CCDC187: variants seen among roughly 807,000 people sequenced by gnomAD.
CCDC187 encodes the protein coiled-coil domain-containing protein 187.
In CCDC187, 32 loss-of-function variants were observed where a neutral mutation model predicts 38.0. The ratio of observed to expected loss-of-function variants is 0.84; its 90% CI spans 0.64 to 1.13. The LOEUF is 1.13. Ranked by LOEUF, CCDC187 falls within the 50% of genes most tolerant of loss-of-function variation. The probability of loss-of-function intolerance (pLI) is 0.00; values close to 1 mark genes in which losing one functional copy is unlikely to be tolerated. For synonymous variants in CCDC187, 333 were observed against 347.9 expected (o/e 0.96, Z 0.48); for missense variants, 707 against 786.8 (o/e 0.90, Z 1.21).
At chr9:136,302,312 G>C (rs1831705209) in intron 2 of CCDC187, among the ~76,000 whole-genome samples, 1 of 152,104 alleles carries the variant, frequency 6.6e-6, no homozygotes, top group African/African-American at 2.4e-5. Flanking sequence ...CTCCAAGAGG[G>C]AAGCCGTTTC....
chr9:136,259,900 C>T (rs1424551199), intron 20 of CCDC187, among the ~76,000 whole-genome samples: 2 of 152,236 alleles, frequency 1.3e-5, no homozygotes, highest in Admixed American at 6.5e-5. Flanking sequence ...ATGCTGGCTG[C>T]CAGTGCACGG....
At chr9:136,262,135 C>T (rs1212433482) in intron 19 of CCDC187, among the ~76,000 whole-genome samples, 176 bp downstream of exon 19, 1 of 152,272 alleles carries the variant, frequency 6.6e-6, no homozygotes, top group African/African-American at 2.4e-5. Context: ...GGTTGAGCTG[C>T]CACCGGCCGG....
intron 9 of CCDC187, 89 bp downstream of exon 9, chr9:136,285,424 C>CGGGCAGGTGGGCAGGT (rs1391343577): frequency 2.6e-4 from 107 of 407,338 alleles, no homozygotes; most frequent in African/African-American, 1.9e-3. Context: ...TGAGCGTGGG[C>CGGGCAGGTGGGCAGGT]GGGCAGGTGG....
At chr9:136,259,918 C>T (rs1263598310) in intron 20 of CCDC187, among the ~76,000 whole-genome samples, 3 of 152,334 alleles carry the variant, frequency 2.0e-5, no homozygotes, top group Non-Finnish European at 2.9e-5. Flanking sequence ...CGGGGTGGCC[C>T]GCCTGCTGGC....
At position 136,250,304 on chromosome 9, in the gene CCDC187, C is replaced by T. The variant is rs78296440; in HGVS notation, c.*3290G>A. The stretch of plus-strand genomic sequence containing the variant: ...AGGGCACCCTACCACCTGCCAGCGA[C>T]GCGAGGCACCTGCTGGGCTCCCAGG... On this transcript the variant is annotated 3_prime_UTR_variant, in exon 26 of 26. Coordinates refer to ENST00000638797, the MANE Select transcript of CCDC187 (RefSeq NM_001378188.1). 7.2e-3 allele frequency: 1,257 copies of T among 173,404 alleles called. 23 individuals are homozygous for T. Among genetic ancestry groups the T allele is most frequent in the African/African-American group, 0.028 (1,171 of 41,756 alleles). The allele number at this position is 173,404 out of a possible 1,614,324, so 10.7% of individuals were successfully genotyped here.
rs1459810120 is a variant in CCDC187 at position 136,254,278 on chromosome 9, G to A, written c.5550C>T (p.Ser1850=). The A allele has an allele frequency of 1.9e-5, 19 of 980,236 alleles. No individual in the cohort carries two copies. The highest frequency in any genetic ancestry group is 2.3e-5 in the Non-Finnish European group (19 of 825,372). The allele number at this position is 980,236 out of a possible 1,614,324, so 60.7% of individuals were successfully genotyped here. ...TGTCTGACACCCCCATCAGGCTCTCGCTGGTCCCAGAAGCTTCCAGCCCCT... is the reference window on the plus strand; with the variant it reads ...TGTCTGACACCCCCATCAGGCTCTCACTGGTCCCAGAAGCTTCCAGCCCCT... ...PGEGLEASGT[S]ESLMGVSDTG... is the part of the protein sequence containing the mutation. The change falls in exon 26 of 26, where the codon AGC becomes AGT. Residue 1850 remains serine (S), a synonymous_variant. Coordinates refer to ENST00000638797, the MANE Select transcript of CCDC187 (RefSeq NM_001378188.1).
In CCDC187 at chr9:136,291,106, T is replaced by C. The variant is rs1831317157; in HGVS notation, c.1507A>G (p.Arg503Gly). ...CCCTGTCTTTGGGCCCCCCAGGCCC[T>C]CTGCGGACTGCAGGCCTGCCCAGCC... ...ALAGQACSPQ[R>G]AWGAQRQGPS... is the part of the protein sequence containing the mutation. Residue 503 changes from arginine (R) to glycine (G), a missense_variant, in exon 6 of 26, where the codon AGG (arginine) becomes GGG (glycine). Arg to Gly is a moderately radical substitution (Grantham distance 125, BLOSUM62 -2). Transcript: ENST00000638797. The C allele has an allele frequency of 5.0e-6, 2 of 398,324 alleles. No individual in the cohort carries two copies. The highest frequency in any genetic ancestry group is 1.3e-4 in the South Asian group (1 of 7,858). 24.7% of individuals were successfully genotyped at this position (398,324 alleles called of 1,614,324 possible).
At chr9:136,293,399 TCACAAACACTCA>T (rs1831414691) in intron 4 of CCDC187, among the ~76,000 whole-genome samples, 1 of 69,192 alleles carries the variant, frequency 1.4e-5, no homozygotes, top group East Asian at 5.4e-4. Context: ...GCTCACACAC[TCACAAACACTCA>T]CATGCTCACA....
chr9:136,267,168 A>AT lies in CCDC187; in HGVS notation c.3647+215dup, dbSNP rs540041180. 4.7e-4 allele frequency: 74 copies of AT among 157,434 alleles called. 1 individual carries two copies. Among genetic ancestry groups the AT allele is most frequent in the Middle Eastern group, 6.5e-3 (2 of 308 alleles). The allele number at this position is 157,434 out of a possible 1,614,324, so 9.8% of individuals were successfully genotyped here. A position where few individuals can be genotyped will look rare whatever the true frequency, so the allele number is the denominator to read the frequency against. The stretch of plus-strand genomic sequence containing the variant: ...AGGTCACCTTTGGAACGATGGGGGT[A>AT]TTTTTTTATTTGTGTATTGAGTACT... On this transcript the variant is annotated intron_variant, in intron 16 of 25. Coordinates refer to ENST00000638797, the MANE Select transcript of CCDC187 (RefSeq NM_001378188.1).
intron 9 of CCDC187, among the ~76,000 whole-genome samples, chr9:136,282,160 G>A (rs1831060590): frequency 6.6e-6 from 1 of 152,214 alleles, no homozygotes; most frequent in African/African-American, 2.4e-5. Flanking sequence ...AGAGCGGAAC[G>A]GGGTCACGCA....
chr9:136,289,484 G>A (rs965400008), intron 7 of CCDC187, among the ~76,000 whole-genome samples: 29 of 139,414 alleles, frequency 2.1e-4, no homozygotes, highest in African/African-American at 3.3e-4. Flanking sequence ...GTGCCATTGC[G>A]CTCCAGCCTG....
At chr9:136,259,819 A>T (rs1444108941) in intron 20 of CCDC187, among the ~76,000 whole-genome samples, 1 of 152,096 alleles carries the variant, frequency 6.6e-6, no homozygotes, top group Non-Finnish European at 1.5e-5. Flanking sequence ...TAGCCGCCCC[A>T]TGAGGAGCCC....
intron 24 of CCDC187, 143 bp from the exon 25 acceptor site, chr9:136,255,876 A>T: frequency 3.7e-6 from 1 of 268,054 alleles, no homozygotes; most frequent in Non-Finnish European, 5.8e-6. Context: ...CCACCACCTG[A>T]GTGACCCTGA....
intron 14 of CCDC187, among the ~76,000 whole-genome samples, chr9:136,274,104 T>C (rs1830886465): frequency 1.3e-5 from 2 of 152,188 alleles, no homozygotes; most frequent in Non-Finnish European, 2.9e-5. Context: ...TCAACGGGCC[T>C]GGAACCAGGG....
rs1831311709 is a variant in CCDC187 at position 136,290,956 on chromosome 9, C to T, written c.1657G>A (p.Asp553Asn). Reference sequence around the variant, plus strand: ...GGGTTCCGCAGTCTGGGGCCAGGGTCCTCCCAGGTTTCACAGGCAGTCCAG... The same window carrying T: ...GGGTTCCGCAGTCTGGGGCCAGGGTTCTCCCAGGTTTCACAGGCAGTCCAG... ...RAWTACETWE[D>N]PGPRLRNPLE... Residue 553 changes from aspartate to asparagine, a missense_variant, in exon 6 of 26, where the codon GAC becomes AAC. By Grantham distance (23) the Asp-to-Asn change is conservative. Transcript: ENST00000638797. 1 of 398,592 alleles carries T rather than the reference C, an allele frequency of 2.5e-6. No individual in the cohort carries two copies. Among genetic ancestry groups the T allele is most frequent in the African/African-American group, 2.1e-5 (1 of 48,628 alleles). 24.7% of individuals were successfully genotyped at this position (398,592 alleles called of 1,614,324 possible).
chr9:136,284,891 G>GC (rs1831136544), intron 9 of CCDC187, among the ~76,000 whole-genome samples: 2 of 152,164 alleles, frequency 1.3e-5, no homozygotes, highest in African/African-American at 4.8e-5. Flanking sequence ...CACCTGCAAA[G>GC]CCCCCATGGA....
intron 4 of CCDC187, among the ~76,000 whole-genome samples, chr9:136,297,181 C>T (rs1195596136): frequency 2.0e-5 from 3 of 151,088 alleles, no homozygotes; most frequent in African/African-American, 4.9e-5. Flanking sequence ...CTGTGGGTGG[C>T]GTAGGCTGTG....
intron 10 of CCDC187, among the ~76,000 whole-genome samples, chr9:136,279,569 T>G (rs1249876070): frequency 6.6e-6 from 1 of 152,372 alleles, no homozygotes; most frequent in East Asian, 1.9e-4. Flanking sequence ...CCTGCAGCCA[T>G]TGGAACTGTC....
Position 136,267,407 on chromosome 9 carries a change from C to G in CCDC187, c.3624G>C (p.Leu1208=), listed in dbSNP as rs1317595373. 1.0e-6 allele frequency: 1 copy of G among 985,486 alleles called. No individual in the cohort carries two copies. Among genetic ancestry groups the G allele is most frequent in the Non-Finnish European group, 1.2e-6 (1 of 830,054 alleles). 61.0% of individuals were successfully genotyped at this position (985,486 alleles called of 1,614,324 possible). The change falls in exon 16 of 26, where the codon CTG becomes CTC. Residue 1208 remains leucine, a synonymous_variant. Transcript: ENST00000638797. ...MALQEKTLAE[L]AWLEHRRGCL... The stretch of plus-strand genomic sequence containing the variant: ...ACCCTCGTCGATGCTCCAGCCAGGC[C>G]AGCTCCGCGAGCGTTTTCTCCTGGA...
Sources: allele counts gnomAD v4.1 joint callset (sites outside exome capture counted in the v4.1 genomes callset), GRCh38; gene constraint gnomAD v4.1.1; transcripts MANE v1.5; gene names NCBI Gene and HGNC (gene_info 2026-07-23, HGNC 2026-07-21).